MADD: variants seen among roughly 807,000 people sequenced by gnomAD.
MADD encodes the protein MAP kinase activating death domain, also known as MAP kinase-activating death domain protein.
A neutral mutation model predicts 176.7 loss-of-function variants in MADD; 109 were observed. That is an observed-to-expected ratio of 0.62 (90% CI 0.53 to 0.72). The LOEUF (loss-of-function observed/expected upper bound fraction) is 0.72, where lower values mean the gene tolerates loss of function less well. MADD is among the 30% of genes least tolerant of loss of function. The pLI, the probability that MADD is intolerant of heterozygous loss-of-function variation, is 0.00. For synonymous variants in MADD, 771 were observed against 771.3 expected (o/e 1.00, Z 0.01); for missense variants, 1,914 against 2,045.5 (o/e 0.94, Z 1.24).
At chr11:47,281,533 A>G (rs1346291129) in intron 7 of MADD, 42 bp from the exon 8 acceptor site, 3 of 1,528,768 alleles carry the variant, frequency 2.0e-6, no homozygotes, top group Non-Finnish European at 2.7e-6. Flanking sequence ...CTAGCTGCCC[A>G]GGGACGTTCC....
chr11:47,270,155 C>T (rs926412644), upstream of MADD: 1 of 152,036 alleles, frequency 6.6e-6, no homozygotes, highest in African/African-American at 2.4e-5. Context: ...GAACTGGCGC[C>T]CGCTCGGAGC....
chr11:47,280,647 C>T (rs1305914476), intron 7 of MADD, among the ~76,000 whole-genome samples: 2 of 152,196 alleles, frequency 1.3e-5, no homozygotes, highest in African/African-American at 4.8e-5. Context: ...TCACTGCATT[C>T]TCTGCCTCCC....
At chr11:47,308,548 C>A in intron 22 of MADD, 43 bp from the exon 25 acceptor site, 1 of 1,470,526 alleles carries the variant, frequency 6.8e-7, no homozygotes, top group South Asian at 1.2e-5. Context: ...TGTCTCTATT[C>A]ATTGCTACCT....
chr11:47,289,169 GC>G (rs1461178061), intron 15 of MADD, 142 bp downstream of exon 16: 3 of 903,768 alleles, frequency 3.3e-6, no homozygotes, highest in Non-Finnish European at 5.2e-6. Flanking sequence ...GCCCATGCTT[GC>G]CCATGGGGCT....
chr11:47,295,396 A>G lies in MADD; in HGVS notation c.3403-100A>G. 4 of 915,728 alleles carry G rather than the reference A, an allele frequency of 4.4e-6. No homozygotes were observed. The East Asian group carries it at 7.5e-5, about 17-fold the overall frequency. The allele number at this position is 915,728 out of a possible 1,614,324, so 56.7% of individuals were successfully genotyped here. ...TCGTGACTTCTCTAAGGATGATAAC[A>G]GAAGGGTGGGGATGAGGAGAAAGAA... On this transcript the variant is annotated intron_variant, in intron 20 of 32. Transcript: ENST00000402192.
At chr11:47,315,783 A>G (rs1023646445) in intron 27 of MADD, among the ~76,000 whole-genome samples, 1 of 150,530 alleles carries the variant, frequency 6.6e-6, no homozygotes, top group African/African-American at 2.4e-5. Context: ...CCAAATTATC[A>G]GATTGTTATT....
intron 29 of MADD, 30 bp downstream of exon 32, chr11:47,324,367 C>G: frequency 2.5e-6 from 4 of 1,611,428 alleles, no homozygotes; most frequent in Non-Finnish European, 3.4e-6. Flanking sequence ...AGAGTGTCTT[C>G]CCTGTTTCTA....
Position 47,325,077 on chromosome 11 carries a change from T to A in MADD, c.4542+500T>A. 2 of 304,304 alleles carry A rather than the reference T, an allele frequency of 6.6e-6. No individual in the cohort carries two copies. Among genetic ancestry groups the A allele is most frequent in the Non-Finnish European group, 1.2e-5 (2 of 162,220 alleles). The allele number at this position is 304,304 out of a possible 1,614,324, so 18.9% of individuals were successfully genotyped here. ...CCTCTCTGGAGTGTGTTTATTTGCC[T>A]TTTTCTTCTGCGGATTCTTCTTCCT... On this transcript the variant is annotated intron_variant, in intron 30 of 32. Transcript: ENST00000402192. The surrounding 1 kb of genome is among the most constrained non-coding windows in gnomAD (Gnocchi z 4.5).
At chr11:47,309,328 G>A (rs2085976387) in exon 24 of MADD, 1 of 1,614,208 alleles carries the variant, frequency 6.2e-7, no homozygotes, top group Non-Finnish European at 8.5e-7. Flanking sequence ...CTGGGAAGAT[G>A]CCTTCTTAGA....
At chr11:47,305,154 C>T (rs1269602892) in intron 22 of MADD, among the ~76,000 whole-genome samples, 8 of 152,106 alleles carry the variant, frequency 5.3e-5, no homozygotes, top group African/African-American at 1.9e-4. Flanking sequence ...AATGGAGTGA[C>T]TCAGCCAAGA....
At chr11:47,274,233 A>G (rs920222657) in intron 2 of MADD, among the ~76,000 whole-genome samples, 1 of 152,254 alleles carries the variant, frequency 6.6e-6, no homozygotes, top group African/African-American at 2.4e-5. Flanking sequence ...TGTAAAAAGA[A>G]AAAGTACATT....
At chr11:47,295,556 C>A in exon 21 of MADD, 1 of 1,614,050 alleles carries the variant, frequency 6.2e-7, no homozygotes, top group South Asian at 1.1e-5. Context: ...CAGCTCAAGT[C>A]AGGATTCTGA....
At chr11:47,290,226 C>T (rs2063995050) in exon 18 of MADD, 2 of 1,614,144 alleles carry the variant, frequency 1.2e-6, no homozygotes, top group East Asian at 4.5e-5. Flanking sequence ...AGTCCTATGC[C>T]CACGCGGGTC....
rs140803760 is a variant in MADD at position 47,329,067 on chromosome 11, G to A, written c.4681G>A (p.Val1561Ile). The change falls in exon 33 of 33, where the codon GTA (valine) becomes ATA (isoleucine). Residue 1561 changes from valine (V) to isoleucine (I), a missense_variant. Physicochemically the swap from Val to Ile is conservative, Grantham distance 29 (BLOSUM62 3). This residue lies in a region of MADD where 147 missense variants were observed against 209.5 expected (regional missense o/e 0.70). Coordinates refer to ENST00000402192, the Ensembl canonical transcript of MADD. ...CTAGGCCCACGAAATCTGCTACTCC[G>A]TATTATGTCTCTTCTCGTACGTGGC... The A allele has an allele frequency of 3.1e-5, 50 of 1,613,962 alleles. No homozygotes were observed. The highest frequency in any genetic ancestry group is 1.3e-4 in the South Asian group (12 of 91,088).
intron 6 of MADD, 100 bp downstream of exon 6, chr11:47,278,378 A>G (rs1270069752): frequency 1.2e-6 from 1 of 859,614 alleles, no homozygotes; most frequent in Non-Finnish European, 1.9e-6. Context: ...GGAACGTCCT[A>G]AGTTGTTGGA....
At chr11:47,276,803 A>G in exon 5 of MADD, 2 of 1,614,132 alleles carry the variant, frequency 1.2e-6, no homozygotes, top group South Asian at 1.1e-5. Flanking sequence ...TGATCTACCC[A>G]CTGGAGTATA....
chr11:47,286,499 C>A, exon 15 of MADD: 2 of 1,614,130 alleles, frequency 1.2e-6, no homozygotes, highest in Middle Eastern at 1.6e-4. Context: ...ACCAAAGGTG[C>A]CCGAGAGAAG....
intron 20 of MADD, 123 bp from the exon 23 acceptor site, chr11:47,295,373 G>A (rs571985347): frequency 8.5e-5 from 62 of 726,410 alleles, no homozygotes; most frequent in African/African-American, 6.1e-4. Context: ...AAAGTTGCTC[G>A]TGACTTCTCT....
intron 22 of MADD, among the ~76,000 whole-genome samples, chr11:47,301,790 G>T (rs908745484): frequency 2.0e-5 from 3 of 152,056 alleles, no homozygotes; most frequent in African/African-American, 7.2e-5. Context: ...GTTCCTTTGT[G>T]GTCTGAAAAG....
Sources: allele counts gnomAD v4.1 joint callset (sites outside exome capture counted in the v4.1 genomes callset), GRCh38; gene constraint gnomAD v4.1.1; regional missense constraint gnomAD v4.1.1; non-coding constraint Gnocchi (gnomAD v3.1); transcripts MANE v1.5; gene names NCBI Gene and HGNC (gene_info 2026-07-23, HGNC 2026-07-21).